Variants in PDHX observed in about 807,000 individuals in gnomAD.
The protein encoded by PDHX is pyruvate dehydrogenase protein X component, mitochondrial.
A neutral mutation model predicts 55.3 loss-of-function variants in PDHX; 33 were observed. The ratio of observed to expected loss-of-function variants is 0.60; its 90% CI spans 0.45 to 0.80. The LOEUF (loss-of-function observed/expected upper bound fraction) is 0.80, where lower values mean the gene tolerates loss of function less well. Ranked by LOEUF, PDHX falls within the 30% of genes least tolerant of loss-of-function variation. The pLI is 0.00. For synonymous variants in PDHX, 226 were observed against 219.4 expected, an observed-to-expected ratio of 1.03 and a Z score of -0.27; for missense variants, 622 against 619.9, an observed-to-expected ratio of 1.00 and a Z score of -0.04.
At chr11:34,987,729 A>AGTGTGTGTGT (rs112490795) in intron 9 of PDHX, among the ~76,000 whole-genome samples, 12 of 149,600 alleles carry the variant, frequency 8.0e-5, no homozygotes, top group East Asian at 4.0e-4. Flanking sequence ...AGAAACCCTG[A>AGTGTGTGTGT]GTGTGTGTGT....
At chr11:34,968,059 T>C (rs1855172669) in intron 6 of PDHX, among the ~76,000 whole-genome samples, 1 of 152,082 alleles carries the variant, frequency 6.6e-6, no homozygotes, top group African/African-American at 2.4e-5. Flanking sequence ...TGCCTGCACC[T>C]AGGCATTCAA....
At chr11:34,986,307 CAA>C (rs755119406) in intron 9 of PDHX, among the ~76,000 whole-genome samples, 36 of 65,070 alleles carry the variant, frequency 5.5e-4, no homozygotes, top group Non-Finnish European at 9.0e-4. Context: ...CACTGTATCT[CAA>C]AAAAAAAAAA....
intron 7 of PDHX, among the ~76,000 whole-genome samples, chr11:34,972,698 A>C (rs1855283088): frequency 6.6e-6 from 1 of 152,002 alleles, no homozygotes; most frequent in Non-Finnish European, 1.5e-5. Flanking sequence ...CACGCCTGGC[A>C]TTATTTTTCC....
In PDHX at chr11:34,966,769, G is replaced by A. The variant is rs1213612851; in HGVS notation, c.771G>A (p.Arg257=). 1 of 1,613,970 alleles carries A rather than the reference G, an allele frequency of 6.2e-7. No homozygotes were observed. The highest frequency in any genetic ancestry group is 1.7e-5 in the Admixed American group (1 of 60,014). The change falls in exon 6 of 11, where the codon CGG becomes CGA. Residue 257 remains arginine (R), a synonymous_variant. Coordinates refer to ENST00000227868, the MANE Select transcript of PDHX (RefSeq NM_003477.3). ...CCACAGCTGGACCATCTTATCCCCGGCCTGTGATCCCACCAGTATCAACTC... is the reference window on the plus strand; with the variant it reads ...CCACAGCTGGACCATCTTATCCCCGACCTGTGATCCCACCAGTATCAACTC... ...LQATAGPSYP[R]PVIPPVSTPG...
intron 2 of PDHX, among the ~76,000 whole-genome samples, chr11:34,933,478 G>T (rs533790587): frequency 6.6e-6 from 1 of 152,172 alleles, no homozygotes; most frequent in African/African-American, 2.4e-5. Flanking sequence ...CAAATGACTG[G>T]TTAAGATAAT....
chr11:34,955,072 T>C (rs984833722), intron 3 of PDHX, among the ~76,000 whole-genome samples: 1 of 152,164 alleles, frequency 6.6e-6, no homozygotes. Context: ...TAAGAAATCA[T>C]TGGCAGAAGA....
Position 34,966,745 on chromosome 11 carries a change from C to T in PDHX, c.747C>T (p.Ala249=), listed in dbSNP as rs1193827317. 2 of 1,614,152 alleles carry T rather than the reference C, an allele frequency of 1.2e-6. No homozygotes were observed. The highest frequency in any genetic ancestry group is 1.7e-6 in the Non-Finnish European group (2 of 1,180,008). ...ATPTAPSPLQ[A]TAGPSYPRPV... ...CCACAGCACCTTCGCCCCTACAGGC[C>T]ACAGCTGGACCATCTTATCCCCGGC... Residue 249 remains alanine (A), a synonymous_variant, in exon 6 of 11, where the codon GCC becomes GCT. Coordinates refer to ENST00000227868, the MANE Select transcript of PDHX (RefSeq NM_003477.3).
intron 1 of PDHX, among the ~76,000 whole-genome samples, chr11:34,918,309 G>T (rs991533181): frequency 6.6e-6 from 1 of 151,662 alleles, no homozygotes; most frequent in Non-Finnish European, 1.5e-5. Flanking sequence ...AAAGCCAGGC[G>T]TGCTGGCATC....
chr11:34,933,068 G>A (rs527689966), intron 2 of PDHX, among the ~76,000 whole-genome samples: 30 of 152,290 alleles, frequency 2.0e-4, no homozygotes, highest in African/African-American at 6.5e-4. Context: ...ACAATAGTTG[G>A]TTATCTACAG....
rs78566773 is a variant in PDHX at position 34,937,264 on chromosome 11, G to A, written c.241+5780G>A. Among the ~76,000 whole-genome samples, 835 of 150,992 alleles carry A rather than the reference G, an allele frequency of 5.5e-3. 12 individuals carry two copies. The highest frequency in any genetic ancestry group is 0.02 in the African/African-American group (800 of 40,374). On this transcript the variant is annotated intron_variant, in intron 2 of 10. Coordinates refer to ENST00000227868, the MANE Select transcript of PDHX (RefSeq NM_003477.3). ...CCTAATCAATGTGATAATCTAAACA[G>A]ATGGGGTAAAGCATCTGCTCTCTAT...
chr11:34,981,852 G>GT (rs1435395045), intron 8 of PDHX, among the ~76,000 whole-genome samples: 4 of 152,078 alleles, frequency 2.6e-5, no homozygotes, highest in Non-Finnish European at 5.9e-5. Flanking sequence ...AGGGTTGTTT[G>GT]TTTTTTTCTT....
At chr11:34,975,129 G>A (rs589626) in intron 7 of PDHX, among the ~76,000 whole-genome samples, 106,595 of 151,950 alleles carry the variant, frequency 0.7, 37,576 homozygotes, top group Middle Eastern at 0.77. Flanking sequence ...GTCTGCTGCC[G>A]TTCTTAATAT....
chr11:34,917,859 T>G (rs561681517), intron 1 of PDHX, among the ~76,000 whole-genome samples: 11 of 152,150 alleles, frequency 7.2e-5, no homozygotes, highest in Non-Finnish European at 1.6e-4. Flanking sequence ...CTCCTCCAAG[T>G]TTGTTGAAAT....
At chr11:34,916,276 G>A, upstream of PDHX, 1 of 1,612,430 alleles carries the variant, frequency 6.2e-7, no homozygotes, top group Non-Finnish European at 8.5e-7. Flanking sequence ...GAGCATCACA[G>A]CCAGACATGG....
intron 6 of PDHX, among the ~76,000 whole-genome samples, chr11:34,967,094 C>T (rs1383642814): frequency 6.6e-6 from 1 of 152,094 alleles, no homozygotes; most frequent in Non-Finnish European, 1.5e-5. Flanking sequence ...TCAGGTGATC[C>T]ACCCGCCTTG....
rs1484918289 is a variant in PDHX at position 34,978,050 on chromosome 11, A to G, written c.965-74A>G. ...TTGTCAGTACATTCCATAATTTACA[A>G]GTTTGAAGTTGTAATGGTCAATGTT... On this transcript the variant is annotated intron_variant, in intron 7 of 10. Transcript: ENST00000227868. The G allele has an allele frequency of 2.3e-5, 19 of 813,824 alleles. No individual in the cohort carries two copies. The highest frequency in any genetic ancestry group is 1.3e-4 in the Admixed American group (7 of 52,824). The allele number at this position is 813,824 out of a possible 1,614,324, so 50.4% of individuals were successfully genotyped here.
chr11:34,923,161 T>C (rs922766866), intron 1 of PDHX, among the ~76,000 whole-genome samples: 1 of 150,438 alleles, frequency 6.6e-6, no homozygotes, highest in Non-Finnish European at 1.5e-5. Flanking sequence ...AGTATAATAA[T>C]ATAGAATCAG....
At chr11:34,941,692 A>G (rs144148265) in intron 2 of PDHX, 221 of 153,652 alleles carry the variant, frequency 1.4e-3, no homozygotes, top group Non-Finnish European at 2.6e-3. Flanking sequence ...GACTTATTCT[A>G]TTAATAAAAT....
intron 2 of PDHX, among the ~76,000 whole-genome samples, chr11:34,941,381 T>G (rs2956077): frequency 0.8 from 121,329 of 152,186 alleles, 48,552 homozygotes; most frequent in African/African-American, 0.83. Flanking sequence ...CTTGAAGCAG[T>G]TCTGTCTTAT....
Sources: allele counts gnomAD v4.1 joint callset (sites outside exome capture counted in the v4.1 genomes callset), GRCh38; gene constraint gnomAD v4.1.1; transcripts MANE v1.5; gene names NCBI Gene and HGNC (gene_info 2026-07-23, HGNC 2026-07-21).